The following SPIDR variants were observed in gnomAD, a reference collection of about 807,000 sequenced individuals.
The protein encoded by SPIDR is scaffold protein involved in DNA repair, also known as DNA repair-scaffolding protein.
Under a neutral mutation model 104.6 loss-of-function variants are expected in SPIDR, and 93 were observed. The observed-to-expected ratio is 0.89, with a 90% CI of 0.75 to 1.06. SPIDR has a LOEUF of 1.06. Among genes scored for constraint, SPIDR ranks in the 50% least tolerant of loss-of-function variants. The probability of loss-of-function intolerance (pLI) is 0.00; values close to 1 mark genes in which losing one functional copy is unlikely to be tolerated. For synonymous variants in SPIDR, 431 were observed against 416.9 expected (o/e 1.03, Z -0.41); for missense variants, 1,154 against 1,111.2 (o/e 1.04, Z -0.55).
chr8:47,362,899 C>T (rs553499717), intron 5 of SPIDR, among the ~76,000 whole-genome samples: 2 of 152,306 alleles, frequency 1.3e-5, no homozygotes, highest in Admixed American at 6.5e-5. Context: ...GTGATTCACC[C>T]GCTTTGGCTT....
At chr8:47,629,724 A>C (rs1023826541) in intron 10 of SPIDR, among the ~76,000 whole-genome samples, 1 of 152,296 alleles carries the variant, frequency 6.6e-6, no homozygotes, top group African/African-American at 2.4e-5. Flanking sequence ...ACTGCACTCC[A>C]GCCTGGGTGA....
chr8:47,424,839 A>G (rs1456302331), intron 7 of SPIDR, among the ~76,000 whole-genome samples: 1 of 152,058 alleles, frequency 6.6e-6, no homozygotes, highest in Non-Finnish European at 1.5e-5. Flanking sequence ...GGGTCCAGAC[A>G]ATTTTTGTGC....
intron 5 of SPIDR, among the ~76,000 whole-genome samples, chr8:47,301,031 A>G (rs1347606628): frequency 1.3e-5 from 2 of 152,060 alleles, no homozygotes; most frequent in Non-Finnish European, 2.9e-5. Flanking sequence ...TGATCTGTCT[A>G]ATGTTGATAG....
At chr8:47,460,082 A>C (rs1343267634) in intron 8 of SPIDR, among the ~76,000 whole-genome samples, 1 of 152,200 alleles carries the variant, frequency 6.6e-6, no homozygotes, top group Non-Finnish European at 1.5e-5. Flanking sequence ...AGAAAGTTCC[A>C]TACACTGATG....
chr8:47,330,202 T>G (rs2048420524), intron 5 of SPIDR, among the ~76,000 whole-genome samples: 2 of 151,996 alleles, frequency 1.3e-5, no homozygotes, highest in African/African-American at 4.8e-5. Flanking sequence ...TAAGGTGCTT[T>G]TTTTTTTTAA....
intron 8 of SPIDR, among the ~76,000 whole-genome samples, chr8:47,500,975 G>C (rs1200554511): frequency 6.6e-6 from 1 of 152,096 alleles, no homozygotes; most frequent in Non-Finnish European, 1.5e-5. Context: ...TTATTTCTGA[G>C]GTCTCTGTTC....
chr8:47,500,836 G>T (rs2080289354), intron 8 of SPIDR, among the ~76,000 whole-genome samples: 1 of 152,290 alleles, frequency 6.6e-6, no homozygotes, highest in Admixed American at 6.5e-5. Flanking sequence ...GTAAGGAAGG[G>T]ATCCAGTTTC....
At chr8:47,346,222 CAT>C (rs1332320977) in intron 5 of SPIDR, among the ~76,000 whole-genome samples, 11 of 152,238 alleles carry the variant, frequency 7.2e-5, no homozygotes, top group Admixed American at 4.6e-4. Flanking sequence ...TTGAGATAAT[CAT>C]GTGGTTTTTG....
intron 10 of SPIDR, among the ~76,000 whole-genome samples, chr8:47,666,645 A>G (rs981768455): frequency 6.6e-6 from 1 of 152,206 alleles, no homozygotes; most frequent in Admixed American, 6.5e-5. Context: ...GAGGAGAAGA[A>G]TGCAAATAGA....
At chr8:47,371,145 T>A (rs75449956) in intron 5 of SPIDR, among the ~76,000 whole-genome samples, 3 of 148,032 alleles carry the variant, frequency 2.0e-5, no homozygotes, top group African/African-American at 5.0e-5. Flanking sequence ...TTTTTTTTTT[T>A]AAGGAAAAAA....
chr8:47,275,541 G>A (rs901071620), intron 1 of SPIDR, among the ~76,000 whole-genome samples: 58 of 152,030 alleles, frequency 3.8e-4, no homozygotes, highest in African/African-American at 1.3e-3. Flanking sequence ...TTCCATTGGC[G>A]TTGCATATAT....
chr8:47,654,507 C>G (rs1477739541), intron 10 of SPIDR, among the ~76,000 whole-genome samples: 1 of 152,170 alleles, frequency 6.6e-6, no homozygotes, highest in Non-Finnish European at 1.5e-5. Context: ...AAGAGAGATA[C>G]TGGCCAGTTA....
At chr8:47,508,692 T>C (rs2081863713) in intron 8 of SPIDR, among the ~76,000 whole-genome samples, 1 of 152,156 alleles carries the variant, frequency 6.6e-6, no homozygotes, top group Non-Finnish European at 1.5e-5. Context: ...TGTGTAAGTG[T>C]AGATCCCATC....
At chr8:47,444,800 C>T (rs2070238033) in intron 8 of SPIDR, among the ~76,000 whole-genome samples, 1 of 152,176 alleles carries the variant, frequency 6.6e-6, no homozygotes, top group African/African-American at 2.4e-5. Context: ...TTTCTCATCA[C>T]ACCACACTCA....
intron 10 of SPIDR, among the ~76,000 whole-genome samples, chr8:47,625,219 T>A (rs1305709550): frequency 6.6e-6 from 1 of 152,200 alleles, no homozygotes. Context: ...ATAAATTAGG[T>A]ATTGATGAGA....
intron 17 of SPIDR, among the ~76,000 whole-genome samples, chr8:47,728,187 G>T (rs2084606247): frequency 6.6e-6 from 1 of 151,720 alleles, no homozygotes; most frequent in Non-Finnish European, 1.5e-5. Context: ...TCCCAATACT[G>T]TGGGAGGCCA....
At chr8:47,613,174 TG>T (rs1392727505) in intron 10 of SPIDR, among the ~76,000 whole-genome samples, 3 of 152,302 alleles carry the variant, frequency 2.0e-5, no homozygotes, top group South Asian at 4.1e-4. Context: ...CCCAGCCCAT[TG>T]CAACCACCAG....
chr8:47,554,522 G>T (rs1232769703), intron 8 of SPIDR, among the ~76,000 whole-genome samples: 1 of 152,214 alleles, frequency 6.6e-6, no homozygotes, highest in Admixed American at 6.5e-5. Context: ...CATTGAGCTA[G>T]GCTCCGTGGG....
chr8:47,617,844 G>A (rs1402148339), intron 10 of SPIDR, among the ~76,000 whole-genome samples: 1 of 152,134 alleles, frequency 6.6e-6, no homozygotes, highest in African/African-American at 2.4e-5. Flanking sequence ...GCCATTTTGG[G>A]AGTGGGAAGT....
Sources: gnomAD v4.1 joint callset for allele counts (sites outside exome capture counted in the v4.1 genomes callset) on GRCh38, gnomAD v4.1.1 for gene constraint, MANE v1.5 for transcripts, NCBI Gene and HGNC (gene_info 2026-07-23, HGNC 2026-07-21) for gene names.